Variants in NBPF15 observed in about 807,000 individuals in gnomAD.
NBPF15 encodes NBPF member 15.
A neutral mutation model predicts 62.2 loss-of-function variants in NBPF15; 74 were observed. The observed-to-expected ratio is 1.19, with a 90% CI of 0.99 to 1.44. NBPF15 has a LOEUF of 1.44. Ranked by LOEUF, NBPF15 falls within the 40% of genes most tolerant of loss-of-function variation. The pLI, the probability that NBPF15 is intolerant of heterozygous loss-of-function variation, is 0.00. For missense variants in NBPF15, 790 were observed against 550.0 expected (o/e 1.44, Z -4.36); for synonymous variants, 244 against 209.7 (o/e 1.16, Z -1.41).
intron 13 of NBPF15, among the ~76,000 whole-genome samples, chr1:144,430,938 T>G (rs1673755252): frequency 1.3e-5 from 2 of 151,964 alleles, no homozygotes; most frequent in South Asian, 4.2e-4. Flanking sequence ...TGCACAAGCT[T>G]CAGTAGCCAA....
chr1:144,453,662 A>AAAAAAAAAAAAAAAAAG (rs1165682772), intron 4 of NBPF15, among the ~76,000 whole-genome samples: 1 of 86,786 alleles, frequency 1.2e-5, no homozygotes, highest in Non-Finnish European at 2.4e-5. Context: ...AAAAAAAAAA[A>AAAAAAAAAAAAAAAAAG]GTGAAACATC....
Position 144,439,890 on chromosome 1 carries a change from G to A in NBPF15, c.114C>T (p.Leu38=), listed in dbSNP as rs782007431. 2.9e-3 allele frequency: 4,747 copies of A among 1,611,162 alleles called. 142 individuals are homozygous for A. The African/African-American group carries it at 0.053, about 18-fold the overall frequency. ...GTTGAGTTAGAAAACATTTCTCTTT[G>A]AGGTTTCTGAACTGCTGTTTCTTCT... ...LAEKKQQFRN[L]KEKCFLTQLA... The change falls in exon 8 of 22, where the codon CTC becomes CTT. Residue 38 remains leucine (L), a synonymous_variant. Transcript: ENST00000581897.
At chr1:144,448,516 G>A (rs1689140853) in intron 6 of NBPF15, among the ~76,000 whole-genome samples, 1 of 151,924 alleles carries the variant, frequency 6.6e-6, no homozygotes, top group Non-Finnish European at 1.5e-5. Context: ...ATCTTAAAAA[G>A]GAAACAAGGC....
intron 4 of NBPF15, among the ~76,000 whole-genome samples, chr1:144,452,019 G>A (rs1244962278): frequency 6.6e-6 from 1 of 151,334 alleles, no homozygotes; most frequent in Admixed American, 6.6e-5. Flanking sequence ...AGGTGTGGTA[G>A]CAGGCGCCTG....
rs1553541457 is a variant in NBPF15 at position 144,437,115 on chromosome 1, G to T, written c.279-6C>A. ...GAACCAGGACTTTATATTGCCTAAG[G>T]TGAGACGGTAGAGAAAATTTAAGAG... On this transcript the variant is annotated splice_polypyrimidine_tract_variant and splice_region_variant and intron_variant, in intron 9 of 21. Transcript: ENST00000581897. The T allele has an allele frequency of 3.1e-6, 5 of 1,597,150 alleles. No individual in the cohort carries two copies. The Admixed American group carries it at 8.3e-5, about 27-fold the overall frequency.
intron 6 of NBPF15, among the ~76,000 whole-genome samples, chr1:144,445,709 C>T (rs1354258791): frequency 3.2e-4 from 49 of 151,568 alleles, no homozygotes; most frequent in East Asian, 3.1e-3. Flanking sequence ...GATCAATTTA[C>T]GAAGAACTGA....
intron 13 of NBPF15, among the ~76,000 whole-genome samples, chr1:144,433,395 G>C (rs1467632203): frequency 6.6e-6 from 1 of 151,596 alleles, no homozygotes; most frequent in Non-Finnish European, 1.5e-5. Flanking sequence ...AAAATAACGA[G>C]AGAAGCAAAG....
At chr1:144,458,184 G>T (rs587776175) in intron 3 of NBPF15, among the ~76,000 whole-genome samples, 1 of 152,034 alleles carries the variant, frequency 6.6e-6, no homozygotes, top group South Asian at 2.1e-4. Context: ...ATGGCTTAAC[G>T]CTTATTTAGG....
At chr1:144,457,163 A>T (rs1571169861) in intron 3 of NBPF15, among the ~76,000 whole-genome samples, 1 of 151,964 alleles carries the variant, frequency 6.6e-6, no homozygotes, top group Admixed American at 6.6e-5. Flanking sequence ...GGGAAAAAAA[A>T]ATAAAGAGTC....
intron 6 of NBPF15, among the ~76,000 whole-genome samples, chr1:144,445,367 A>T (rs1344642179): frequency 7.0e-6 from 1 of 142,184 alleles, no homozygotes; most frequent in Non-Finnish European, 1.5e-5. Flanking sequence ...ACACACACAC[A>T]CACACACACA....
At chr1:144,458,050 C>T (rs1246348037) in intron 3 of NBPF15, among the ~76,000 whole-genome samples, 1 of 151,556 alleles carries the variant, frequency 6.6e-6, no homozygotes, top group Non-Finnish European at 1.5e-5. Flanking sequence ...TCATACCACT[C>T]CACTCCAGCC....
chr1:144,457,088 A>T lies in NBPF15; in HGVS notation c.-700-283T>A, dbSNP rs1385242429. Among the ~76,000 whole-genome samples the T allele has an allele frequency of 5.7e-4, 87 of 152,140 alleles. No individual in the cohort carries two copies. The South Asian group carries it at 1.0e-2, about 17-fold the overall frequency. ...CAGCTACTCAGAAGGCTGAGGCAGG[A>T]GGATTCCTTGAGCCTTGAATTAGAG... On this transcript the variant is annotated intron_variant, in intron 3 of 21. Coordinates refer to ENST00000581897, the MANE Select transcript of NBPF15 (RefSeq NM_001385408.1).
Position 144,422,847 on chromosome 1 carries a change from T to A in NBPF15, c.*166A>T, listed in dbSNP as rs879962177. 12 of 1,541,174 alleles carry A rather than the reference T, an allele frequency of 7.8e-6. No individual in the cohort carries two copies. In the South Asian group the frequency reaches 1.3e-4, roughly 16 times the overall value. ...CTAACATGGGTCCATTGTCTTCAGA[T>A]TGAGCACAGGTTGCCAATGGCATGG... On this transcript the variant is annotated 3_prime_UTR_variant, in exon 22 of 22. Coordinates refer to ENST00000581897, the MANE Select transcript of NBPF15 (RefSeq NM_001385408.1).
rs1202195673 is a variant in NBPF15 at position 144,424,077 on chromosome 1, A to T, written c.1664-102T>A. The T allele has an allele frequency of 9.2e-6, 7 of 757,994 alleles. No homozygotes were observed. In the East Asian group the frequency reaches 1.7e-4, roughly 19 times the overall value. The allele number at this position is 757,994 out of a possible 1,614,324, so 47.0% of individuals were successfully genotyped here. A position where few individuals can be genotyped will look rare whatever the true frequency, so the allele number is the denominator to read the frequency against. On this transcript the variant is annotated intron_variant, in intron 20 of 21. Coordinates refer to ENST00000581897, the MANE Select transcript of NBPF15 (RefSeq NM_001385408.1). ...ACACAGGGACCTCAGGCTCCTCAGC[A>T]TAAGAATACGACACCATGAGAGATA...
chr1:144,447,342 C>A, intron 6 of NBPF15, among the ~76,000 whole-genome samples: 1 of 151,800 alleles, frequency 6.6e-6, no homozygotes, highest in East Asian at 2.0e-4. Flanking sequence ...TGCTATGGGA[C>A]CCACTGAGAA....
In NBPF15 at chr1:144,439,905, C is replaced by T. The variant is rs1681555052; in HGVS notation, c.99G>A (p.Gln33=). The stretch of plus-strand genomic sequence containing the variant: ...ATTTCTCTTTGAGGTTTCTGAACTG[C>T]TGTTTCTTCTCTGCCAACTGGGGGC... ...KLRPQLAEKK[Q]QFRNLKEKCF... Residue 33 remains glutamine (Q), a synonymous_variant, in exon 8 of 22, where the codon CAG becomes CAA. Transcript: ENST00000581897. 13 of 1,611,540 alleles carry T rather than the reference C, an allele frequency of 8.1e-6. No homozygotes were observed. Among genetic ancestry groups the T allele is most frequent in the East Asian group, 2.2e-5 (1 of 44,852 alleles).
At chr1:144,451,749 T>C (rs1691308335) in intron 4 of NBPF15, among the ~76,000 whole-genome samples, 1 of 151,220 alleles carries the variant, frequency 6.6e-6, no homozygotes, top group Admixed American at 6.6e-5. Flanking sequence ...GGGTTACAGA[T>C]TAACAGCGTC....
intron 17 of NBPF15, 150 bp downstream of exon 17, chr1:144,426,897 C>T (rs1194935509): frequency 1.2e-5 from 7 of 568,792 alleles, no homozygotes; most frequent in Admixed American, 9.1e-5. Context: ...GAAACCTAAA[C>T]ATCTACTGCA....
In NBPF15 at chr1:144,423,085, G is replaced by C. The variant is rs1418573629; in HGVS notation, c.1941C>G (p.Asp647Glu). ...TCACCGTCAAAGTAAAAAACCTATT[G>C]TCCACGTAAAGGGCGAAGCTGATAT... is the stretch of plus-strand genomic sequence containing the variant. ...EEHISFALYVDNRFFTLTVTS... is the reference protein window; with the variant it reads ...EEHISFALYVENRFFTLTVTS... Residue 647 changes from aspartate (D) to glutamate (E), a missense_variant, in exon 22 of 22, where the codon GAC (aspartate) becomes GAG (glutamate). Transcript: ENST00000581897. The C allele has an allele frequency of 6.2e-7, 1 of 1,611,494 alleles. No individual in the cohort carries two copies. The highest frequency in any genetic ancestry group is 2.2e-5 in the East Asian group (1 of 44,884).
Sources: gnomAD v4.1 joint callset for allele counts (sites outside exome capture counted in the v4.1 genomes callset) on GRCh38, gnomAD v4.1.1 for gene constraint, MANE v1.5 for transcripts, NCBI Gene and HGNC (gene_info 2026-07-23, HGNC 2026-07-21) for gene names.